ADK: variants seen among roughly 807,000 people sequenced by gnomAD.
ADK encodes the protein N6,N6-dimethyladenosine kinase.
Under a neutral mutation model 44.7 loss-of-function variants are expected in ADK, and 24 were observed. The observed-to-expected ratio is 0.54, with a 90% CI of 0.39 to 0.76. The LOEUF is 0.76. Ranked by LOEUF, ADK falls within the 30% of genes least tolerant of loss-of-function variation. The pLI, the probability that ADK is intolerant of heterozygous loss-of-function variation, is 0.00. For missense variants in ADK, 321 were observed against 425.1 expected, an observed-to-expected ratio of 0.76 and a Z score of 2.15; for synonymous variants, 128 against 142.6, an observed-to-expected ratio of 0.90 and a Z score of 0.73.
At chr10:74,521,428 C>T (rs1848831826) in intron 6 of ADK, among the ~76,000 whole-genome samples, 1 of 152,168 alleles carries the variant, frequency 6.6e-6, no homozygotes, top group Non-Finnish European at 1.5e-5. Context: ...ACTCCAGGGG[C>T]ACAGTGTTCT....
rs183072985 is a variant in ADK at position 74,351,883 on chromosome 10, G to A, written c.273+37138G>A. Among the ~76,000 whole-genome samples, 842 of 152,154 alleles carry A rather than the reference G, an allele frequency of 5.5e-3. 2 individuals carry two copies. Among genetic ancestry groups the A allele is most frequent in the Non-Finnish European group, 9.1e-3 (621 of 67,994 alleles). On this transcript the variant is annotated intron_variant, in intron 4 of 10. Transcript: ENST00000539909. Reference sequence around the variant, plus strand: ...GGGATGTGAAGGACCTCTTCAAGGAGAACCAGAAACCACTGCCCAAGAAAA... The same window carrying A: ...GGGATGTGAAGGACCTCTTCAAGGAAAACCAGAAACCACTGCCCAAGAAAA...
At chr10:74,653,592 G>A (rs1250589983) in intron 9 of ADK, among the ~76,000 whole-genome samples, 2 of 152,128 alleles carry the variant, frequency 1.3e-5, no homozygotes, top group African/African-American at 2.4e-5. Context: ...GTACTTGAGA[G>A]GTTTTGTTGT....
intron 3 of ADK, among the ~76,000 whole-genome samples, chr10:74,249,687 C>T (rs966372449): frequency 1.3e-5 from 2 of 152,062 alleles, no homozygotes; most frequent in African/African-American, 2.4e-5. Context: ...TATGTGGCAT[C>T]GTAGAATCTT....
intron 7 of ADK, among the ~76,000 whole-genome samples, chr10:74,580,935 G>A (rs1473512835): frequency 7.2e-5 from 11 of 151,864 alleles, no homozygotes; most frequent in Admixed American, 5.9e-4. Context: ...CTTGAGAGGT[G>A]GAAACAAGAA....
At chr10:74,210,360 A>G (rs1330306643) in intron 2 of ADK, among the ~76,000 whole-genome samples, 1 of 151,400 alleles carries the variant, frequency 6.6e-6, no homozygotes, top group Non-Finnish European at 1.5e-5. Context: ...AATAGAAAAT[A>G]CTCAGTTTTA....
chr10:74,166,802 C>G (rs1025097262), intron 1 of ADK, among the ~76,000 whole-genome samples: 2 of 151,972 alleles, frequency 1.3e-5, no homozygotes, highest in Non-Finnish European at 2.9e-5. Context: ...AGCTTTCACT[C>G]AGTTCTGAGG....
chr10:74,508,547 A>G lies in ADK; in HGVS notation c.556-16709A>G, dbSNP rs143806741. 3.7e-3 allele frequency: 563 copies of G among 152,346 alleles called. 2 individuals carry two copies. The highest frequency in any genetic ancestry group is 0.013 in the African/African-American group (526 of 41,588). 9.4% of individuals were successfully genotyped at this position (152,346 alleles called of 1,614,324 possible). On this transcript the variant is annotated intron_variant, in intron 6 of 10. Coordinates refer to ENST00000539909, the MANE Select transcript of ADK (RefSeq NM_006721.4). ...TTATTCCCATTTTACAGGTGAGAAC[A>G]GTAAAGCCTAGTAAAGTTAATGTTG...
chr10:74,424,112 C>G (rs1252079550), intron 6 of ADK: 1 of 152,842 alleles, frequency 6.5e-6, no homozygotes, highest in Non-Finnish European at 1.5e-5. Context: ...CAAAATGACG[C>G]AAGGGCAGTA....
At chr10:74,183,757 C>T (rs936461923) in intron 1 of ADK, among the ~76,000 whole-genome samples, 1 of 152,088 alleles carries the variant, frequency 6.6e-6, no homozygotes, top group Non-Finnish European at 1.5e-5. Flanking sequence ...ACCCACCCAC[C>T]TCGGCCTCCC....
At chr10:74,470,635 G>C (rs1846547543) in intron 6 of ADK, among the ~76,000 whole-genome samples, 1 of 40,894 alleles carries the variant, frequency 2.4e-5, no homozygotes, top group Admixed American at 2.5e-4. Context: ...TTTTCATTTG[G>C]ATTCTTTCGG....
At chr10:74,555,605 TG>T (rs1224312876) in intron 7 of ADK, among the ~76,000 whole-genome samples, 1 of 149,570 alleles carries the variant, frequency 6.7e-6, no homozygotes, top group Non-Finnish European at 1.5e-5. Context: ...AGCAAGACCT[TG>T]TCTCGAAAAA....
At chr10:74,160,457 A>G (rs886437861) in intron 1 of ADK, among the ~76,000 whole-genome samples, 1 of 152,222 alleles carries the variant, frequency 6.6e-6, no homozygotes, top group Non-Finnish European at 1.5e-5. Context: ...GATGCTTTAC[A>G]CTGCTGCTTC....
intron 3 of ADK, among the ~76,000 whole-genome samples, chr10:74,274,957 C>CT (rs112717014): frequency 8.0e-5 from 12 of 150,670 alleles, no homozygotes; most frequent in South Asian, 2.1e-4. Context: ...TATACACCCC[C>CT]TTTTTTTTAT....
At chr10:74,247,224 GTTTTTTTTTTTTTT>G (rs142274121) in intron 3 of ADK, among the ~76,000 whole-genome samples, 1 of 72,004 alleles carries the variant, frequency 1.4e-5, no homozygotes, top group African/African-American at 6.1e-5. Flanking sequence ...TTTTTTTTAA[GTTTTTTTTTTTTTT>G]TTTTTTTTTT....
At chr10:74,590,372 GATATT>G (rs1851675523) in intron 8 of ADK, among the ~76,000 whole-genome samples, 1 of 152,116 alleles carries the variant, frequency 6.6e-6, no homozygotes, top group Non-Finnish European at 1.5e-5. Flanking sequence ...TCTAGAGAAA[GATATT>G]ATATGAGTTT....
At chr10:74,605,948 A>G (rs1260908627) in intron 9 of ADK, among the ~76,000 whole-genome samples, 1 of 152,084 alleles carries the variant, frequency 6.6e-6, no homozygotes, top group African/African-American at 2.4e-5. Context: ...TAGGGATTCA[A>G]CTTCTTCCTG....
At chr10:74,341,565 C>T (rs1262862930) in intron 4 of ADK, among the ~76,000 whole-genome samples, 1 of 149,984 alleles carries the variant, frequency 6.7e-6, no homozygotes, top group Non-Finnish European at 1.5e-5. Flanking sequence ...CAATCATTAA[C>T]TTACTTCTTG....
intron 3 of ADK, among the ~76,000 whole-genome samples, chr10:74,240,372 TTGTGTGTG>T (rs142465407): frequency 0.045 from 6,637 of 147,224 alleles, 513 homozygotes; most frequent in African/African-American, 0.16. Context: ...TCCTTTTATT[TTGTGTGTG>T]TGTGTGTGTG....
chr10:74,378,553 A>G (rs1842883105), intron 4 of ADK, among the ~76,000 whole-genome samples: 1 of 152,164 alleles, frequency 6.6e-6, no homozygotes, highest in South Asian at 2.1e-4. Context: ...TAATTTCTTT[A>G]CATTGATCTT....
Sources: allele counts gnomAD v4.1 joint callset (sites outside exome capture counted in the v4.1 genomes callset), GRCh38; gene constraint gnomAD v4.1.1; transcripts MANE v1.5; gene names NCBI Gene and HGNC (gene_info 2026-07-23, HGNC 2026-07-21).